Variants in MTSS1 observed in about 807,000 individuals in gnomAD.
MTSS1 encodes the protein protein MTSS 1.
A neutral mutation model predicts 79.0 loss-of-function variants in MTSS1; 18 were observed. That is an observed-to-expected ratio of 0.23 (90% confidence interval 0.16 to 0.34). The LOEUF is 0.34. Ranked by LOEUF, MTSS1 falls within the 10% of genes least tolerant of loss-of-function variation. MTSS1 has a pLI of 1.00. For missense variants in MTSS1, 815 were observed against 986.2 expected, an observed-to-expected ratio of 0.83 and a Z score of 2.33; for synonymous variants, 341 against 368.6, an observed-to-expected ratio of 0.93 and a Z score of 0.86.
At chr8:124,578,700 C>T (rs937918379) in intron 6 of MTSS1, among the ~76,000 whole-genome samples, 1 of 152,134 alleles carries the variant, frequency 6.6e-6, no homozygotes, top group African/African-American at 2.4e-5. Context: ...GAGGCTGAGG[C>T]TGGAGAATTG....
At chr8:124,558,290 G>T (rs1043280150) in intron 10 of MTSS1, among the ~76,000 whole-genome samples, 2 of 146,102 alleles carry the variant, frequency 1.4e-5, no homozygotes, top group Non-Finnish European at 3.0e-5. Context: ...CAAAATCATC[G>T]CATTGCTCAG....
At chr8:124,594,642 C>G (rs1034228503) in intron 3 of MTSS1, among the ~76,000 whole-genome samples, 1 of 152,046 alleles carries the variant, frequency 6.6e-6, no homozygotes, top group Non-Finnish European at 1.5e-5. Context: ...AACAGGAAGC[C>G]CTAGAGAGGA....
chr8:124,696,702 T>C (rs549510098), intron 3 of MTSS1, among the ~76,000 whole-genome samples: 21 of 151,934 alleles, frequency 1.4e-4, no homozygotes, highest in Admixed American at 1.0e-3. Context: ...AATACAAAAA[T>C]TAGCTGGGCG....
intron 3 of MTSS1, among the ~76,000 whole-genome samples, chr8:124,676,446 T>A (rs549272701): frequency 2.0e-5 from 3 of 152,184 alleles, no homozygotes; most frequent in Non-Finnish European, 1.5e-5. Context: ...AGTCAAGATC[T>A]CACGACCATC....
chr8:124,722,766 C>G (rs570455189), intron 1 of MTSS1, among the ~76,000 whole-genome samples: 26 of 152,200 alleles, frequency 1.7e-4, no homozygotes, highest in Non-Finnish European at 3.4e-4. Context: ...TTTGTTTGGT[C>G]TGGAGTGAGG....
At chr8:124,556,116 T>C (rs1251229900) in intron 12 of MTSS1, 116 bp downstream of exon 12, 2 of 1,565,544 alleles carry the variant, frequency 1.3e-6, no homozygotes, top group Admixed American at 3.8e-5. Flanking sequence ...AGTCAGGGAA[T>C]GGAGCCCAGG....
chr8:124,726,930 T>C (rs1389723250), intron 1 of MTSS1, among the ~76,000 whole-genome samples: 2 of 152,136 alleles, frequency 1.3e-5, no homozygotes, highest in Admixed American at 1.3e-4. Context: ...AATTCCCACC[T>C]CCAGCCAGCT....
At chr8:124,567,499 C>A in intron 7 of MTSS1, 1 of 862,432 alleles carries the variant, frequency 1.2e-6, no homozygotes, top group Non-Finnish European at 1.7e-6. Context: ...TCCTGCAGCA[C>A]AGCCCTCTTC....
intron 2 of MTSS1, among the ~76,000 whole-genome samples, chr8:124,702,610 A>G (rs1282905243): frequency 6.6e-6 from 1 of 152,144 alleles, no homozygotes; most frequent in Non-Finnish European, 1.5e-5. Context: ...CTCTAGTCCT[A>G]TGGCTAACAC....
intron 3 of MTSS1, among the ~76,000 whole-genome samples, chr8:124,611,418 G>A (rs1424351718): frequency 3.3e-5 from 5 of 152,116 alleles, no homozygotes; most frequent in Non-Finnish European, 7.4e-5. Context: ...TTCAGGCCCA[G>A]CCGACCTGAA....
chr8:124,592,552 T>C (rs930235090), intron 3 of MTSS1, among the ~76,000 whole-genome samples: 1 of 152,238 alleles, frequency 6.6e-6, no homozygotes, highest in Non-Finnish European at 1.5e-5. Flanking sequence ...GTGCCCTCTC[T>C]TCTAGAAATC....
At chr8:124,616,304 C>T (rs1220579886) in intron 3 of MTSS1, among the ~76,000 whole-genome samples, 1 of 151,336 alleles carries the variant, frequency 6.6e-6, no homozygotes, top group East Asian at 1.9e-4. Context: ...GACCCTTGAC[C>T]CAGGCATCTT....
intron 1 of MTSS1, among the ~76,000 whole-genome samples, chr8:124,723,661 C>T (rs1833272067): frequency 6.6e-6 from 1 of 152,194 alleles, no homozygotes; most frequent in Admixed American, 6.5e-5. Context: ...TTCCTGCTGT[C>T]GATTTTATGA....
chr8:124,627,209 A>G (rs1173001019), intron 3 of MTSS1, among the ~76,000 whole-genome samples: 2 of 152,174 alleles, frequency 1.3e-5, no homozygotes, highest in Non-Finnish European at 2.9e-5. Context: ...TGAGCTATCT[A>G]AAAAACTGGA....
chr8:124,674,639 C>T (rs1824949377), intron 3 of MTSS1, among the ~76,000 whole-genome samples: 3 of 152,104 alleles, frequency 2.0e-5, no homozygotes, highest in Admixed American at 6.6e-5. Flanking sequence ...CCACCACGCC[C>T]GGCCAGATTA....
chr8:124,607,381 T>C (rs1269418110), intron 3 of MTSS1, among the ~76,000 whole-genome samples: 1 of 152,228 alleles, frequency 6.6e-6, no homozygotes, highest in African/African-American at 2.4e-5. Flanking sequence ...TATCTTCTTC[T>C]CCTCCTCTCT....
At chr8:124,708,138 A>ATTGC (rs1229414752) in intron 1 of MTSS1, among the ~76,000 whole-genome samples, 1 of 152,246 alleles carries the variant, frequency 6.6e-6, no homozygotes, top group Non-Finnish European at 1.5e-5. Flanking sequence ...GCACGTACAG[A>ATTGC]AGCCCAATCT....
chr8:124,693,846 C>T (rs112400197), intron 3 of MTSS1, among the ~76,000 whole-genome samples: 4 of 152,212 alleles, frequency 2.6e-5, no homozygotes, highest in African/African-American at 9.7e-5. Context: ...ATTTACACTT[C>T]ATTCATAGCT....
chr8:124,692,994 A>C (rs1045510843), intron 3 of MTSS1, among the ~76,000 whole-genome samples: 2 of 152,110 alleles, frequency 1.3e-5, no homozygotes, highest in African/African-American at 4.8e-5. Flanking sequence ...TGACCCCAGC[A>C]TGTCCCCCGA....
Sources: allele counts gnomAD v4.1 joint callset (sites outside exome capture counted in the v4.1 genomes callset), GRCh38; gene constraint gnomAD v4.1.1; transcripts MANE v1.5; gene names NCBI Gene and HGNC (gene_info 2026-07-23, HGNC 2026-07-21).